C10orf90: variants seen among roughly 807,000 people sequenced by gnomAD.
C10orf90 encodes the protein (E2-independent) E3 ubiquitin-conjugating enzyme FATS.
A neutral mutation model predicts 62.5 loss-of-function variants in C10orf90; 56 were observed. The ratio of observed to expected loss-of-function variants is 0.90; its 90% CI spans 0.72 to 1.12. The LOEUF is 1.12. C10orf90 is among the 50% of genes most tolerant of loss of function. C10orf90 has a pLI of 0.00. For missense variants in C10orf90, 970 were observed against 880.4 expected, an observed-to-expected ratio of 1.10 and a Z score of -1.29; for synonymous variants, 386 against 340.4, an observed-to-expected ratio of 1.13 and a Z score of -1.47.
rs184249006 is a variant in C10orf90, at chr10:126,506,846, T to G, written c.406-1761A>C. 1.1e-4 allele frequency among the ~76,000 whole-genome samples: 17 copies of G among 152,326 alleles called. No individual in the cohort carries two copies. The East Asian group carries it at 3.3e-3, about 29-fold the overall frequency. On this transcript the variant is annotated intron_variant, in intron 3 of 9. Transcript: ENST00000488181. ...TCTTCAGGGCAGGACTAATATTTAC[T>G]GACTCAAATAATTGCATGTTCCCCA...
intron 2 of C10orf90, among the ~76,000 whole-genome samples, chr10:126,566,860 C>A (rs1190439047): frequency 5.3e-5 from 8 of 152,164 alleles, no homozygotes; most frequent in African/African-American, 1.7e-4. Flanking sequence ...ATGGAGCACA[C>A]ATCGGGAAGA....
intron 2 of C10orf90, among the ~76,000 whole-genome samples, chr10:126,613,696 G>C (rs1004636267): frequency 1.3e-5 from 2 of 152,190 alleles, no homozygotes; most frequent in African/African-American, 4.8e-5. Flanking sequence ...GCTAGGTCTT[G>C]TTTTAAAGAT....
intron 2 of C10orf90, among the ~76,000 whole-genome samples, chr10:126,545,829 G>T (rs1759800929): frequency 6.6e-6 from 1 of 151,962 alleles, no homozygotes; most frequent in Non-Finnish European, 1.5e-5. Context: ...CTCGGGGAGG[G>T]CAGTGACTTA....
intron 2 of C10orf90, among the ~76,000 whole-genome samples, chr10:126,537,526 C>T (rs201969478): frequency 1.3e-5 from 2 of 152,176 alleles, no homozygotes; most frequent in South Asian, 4.1e-4. Context: ...CCCGCTTGGG[C>T]CTTTGACCAA....
chr10:126,463,040 C>G (rs1222482639), intron 5 of C10orf90, among the ~76,000 whole-genome samples: 1 of 151,728 alleles, frequency 6.6e-6, no homozygotes, highest in East Asian at 1.9e-4. Flanking sequence ...TCCCAGTGCC[C>G]CTTCAGGCCT....
At chr10:126,559,504 G>A (rs1591097283) in intron 2 of C10orf90, among the ~76,000 whole-genome samples, 1 of 152,280 alleles carries the variant, frequency 6.6e-6, no homozygotes, top group African/African-American at 2.4e-5. Flanking sequence ...GTCACTGGGA[G>A]CAGGACTGAA....
In C10orf90 at chr10:126,532,890, T is replaced by G. The variant is rs540589206; in HGVS notation, c.314-18951A>C. 1.1e-4 allele frequency among the ~76,000 whole-genome samples: 15 copies of G among 135,364 alleles called. No individual in the cohort carries two copies. The East Asian group carries it at 3.2e-3, about 29-fold the overall frequency. The allele number at this position is 135,364 out of a possible 152,430, so 88.8% of individuals were successfully genotyped here. The stretch of plus-strand genomic sequence containing the variant: ...CACAAAACAAGTGTTTTCAAAAATC[T>G]AAAATAAAATAAAGGCTTGCTACTG... On this transcript the variant is annotated intron_variant, in intron 2 of 9. Coordinates refer to ENST00000488181, the MANE Select transcript of C10orf90 (RefSeq NM_001350921.2).
Position 126,425,289 on chromosome 10 carries a change from T to A in C10orf90, c.*575A>T, listed in dbSNP as rs937005534. The A allele has an allele frequency of 2.0e-5, 3 of 152,538 alleles. No homozygotes were observed. The highest frequency in any genetic ancestry group is 7.2e-5 in the African/African-American group (3 of 41,442). 9.4% of individuals were successfully genotyped at this position (152,538 alleles called of 1,614,324 possible). A position where few individuals can be genotyped will look rare whatever the true frequency, so the allele number is the denominator to read the frequency against. ...CTGAGGGCCCTCTGACTGCTCCAGG[T>A]CACAAAGAGATGGGCTGATTGTTCC... On this transcript the variant is annotated 3_prime_UTR_variant, in exon 10 of 10. Transcript: ENST00000488181.
chr10:126,532,349 G>A (rs1403034571), intron 2 of C10orf90, among the ~76,000 whole-genome samples: 2 of 152,102 alleles, frequency 1.3e-5, no homozygotes, highest in Non-Finnish European at 2.9e-5. Flanking sequence ...TGGGGTCTGA[G>A]GCCCTGATTC....
chr10:126,512,338 ATGTGTGTGTG>A (rs1303066476), intron 3 of C10orf90, among the ~76,000 whole-genome samples: 1 of 100,252 alleles, frequency 1.0e-5, no homozygotes, highest in Non-Finnish European at 2.0e-5. Flanking sequence ...ATGTGTGTGT[ATGTGTGTGTG>A]TCTGTGTGTG....
intron 2 of C10orf90, among the ~76,000 whole-genome samples, chr10:126,640,229 G>A (rs1028248103): frequency 6.6e-6 from 1 of 152,214 alleles, no homozygotes; most frequent in African/African-American, 2.4e-5. Flanking sequence ...GCCACTTCTG[G>A]GGGAGCCTCT....
chr10:126,528,144 G>A (rs1863998742), intron 2 of C10orf90, among the ~76,000 whole-genome samples: 1 of 152,088 alleles, frequency 6.6e-6, no homozygotes, highest in South Asian at 2.1e-4. Flanking sequence ...CCTTTCCTTT[G>A]TCTCTGCTAT....
intron 2 of C10orf90, among the ~76,000 whole-genome samples, chr10:126,518,712 T>G (rs1344456082): frequency 6.6e-6 from 1 of 152,150 alleles, no homozygotes; most frequent in African/African-American, 2.4e-5. Flanking sequence ...TGCTCACTAG[T>G]AGGTGCTAAG....
At chr10:126,601,752 C>T (rs1355251736) in intron 2 of C10orf90, among the ~76,000 whole-genome samples, 1 of 152,246 alleles carries the variant, frequency 6.6e-6, no homozygotes, top group East Asian at 1.9e-4. Context: ...CAGCAAGTAG[C>T]CCTCCTAAAG....
chr10:126,482,707 A>G (rs1861229564), intron 4 of C10orf90, among the ~76,000 whole-genome samples: 1 of 152,180 alleles, frequency 6.6e-6, no homozygotes. Context: ...CAGCCACATG[A>G]GGGCAATTTT....
At chr10:126,503,867 G>T in intron 4 of C10orf90, 90 bp downstream of exon 4, 5 of 1,464,628 alleles carry the variant, frequency 3.4e-6, no homozygotes, top group Non-Finnish European at 4.6e-6. Flanking sequence ...ATGCCTCTTA[G>T]AATAAGTTTT....
At chr10:126,607,906 G>A (rs1845347983) in intron 2 of C10orf90, among the ~76,000 whole-genome samples, 1 of 152,172 alleles carries the variant, frequency 6.6e-6, no homozygotes, top group South Asian at 2.1e-4. Flanking sequence ...AATACCGTAT[G>A]ATTCCACTTA....
At chr10:126,495,518 C>A (rs530890753) in intron 4 of C10orf90, among the ~76,000 whole-genome samples, 78 of 152,290 alleles carry the variant, frequency 5.1e-4, no homozygotes, top group Non-Finnish European at 7.4e-5. Context: ...CATCTGATAG[C>A]AGTATGAAAA....
intron 4 of C10orf90, among the ~76,000 whole-genome samples, chr10:126,474,459 C>T (rs1860749956): frequency 6.6e-6 from 1 of 152,174 alleles, no homozygotes; most frequent in Non-Finnish European, 1.5e-5. Context: ...TTTCTTCTTT[C>T]CTGTCCTTCA....
Sources: gnomAD v4.1 joint callset for allele counts (sites outside exome capture counted in the v4.1 genomes callset) on GRCh38, gnomAD v4.1.1 for gene constraint, MANE v1.5 for transcripts, NCBI Gene and HGNC (gene_info 2026-07-23, HGNC 2026-07-21) for gene names.